The following MAGOHB variants were observed in gnomAD, a reference collection of about 807,000 sequenced individuals.
MAGOHB encodes the protein mago homolog B, exon junction complex subunit, also known as protein mago nashi homolog 2.
A neutral mutation model predicts 20.9 loss-of-function variants in MAGOHB; 15 were observed. The ratio of observed to expected loss-of-function variants is 0.72; its 90% CI spans 0.48 to 1.11. MAGOHB has a LOEUF of 1.11. MAGOHB is among the 50% of genes least tolerant of loss of function. The pLI is 0.00. For missense variants in MAGOHB, 162 were observed against 177.6 expected, an observed-to-expected ratio of 0.91 and a Z score of 0.50; for synonymous variants, 50 against 57.9, an observed-to-expected ratio of 0.86 and a Z score of 0.62.
chr12:10,609,615 G>C, intron 3 of MAGOHB: 1 of 542,096 alleles, frequency 1.8e-6, no homozygotes, highest in Non-Finnish European at 3.3e-6. Context: ...TACAGAGAAA[G>C]ATGTCTAAAT....
rs1405491398 is a variant in MAGOHB, at chr12:10,606,061, T to A, written c.*214A>T. ...AGCAAATTTTTAACAAAAGGTGGCT[T>A]TCATTTACAGAATTTAATGTGTGTG... is the stretch of plus-strand genomic sequence containing the variant. On this transcript the variant is annotated 3_prime_UTR_variant, in exon 5 of 5. Coordinates refer to ENST00000320756, the MANE Select transcript of MAGOHB (RefSeq NM_018048.5). 1 of 319,244 alleles carries A rather than the reference T, an allele frequency of 3.1e-6. No homozygotes were observed. The highest frequency in any genetic ancestry group is 2.1e-5 in the African/African-American group (1 of 46,664). The allele number at this position is 319,244 out of a possible 1,614,324, so 19.8% of individuals were successfully genotyped here. A position where few individuals can be genotyped will look rare whatever the true frequency, so the allele number is the denominator to read the frequency against.
chr12:10,606,394 A>C lies in MAGOHB; in HGVS notation c.348-20T>G. On this transcript the variant is annotated intron_variant, in intron 4 of 4. Coordinates refer to ENST00000320756, the MANE Select transcript of MAGOHB (RefSeq NM_018048.5). ...GGATCCCTAAAATTTAAAAAGGTAA[A>C]AGTTACTTTTTCTTCCTAGGATAAA... 1 of 1,371,696 alleles carries C rather than the reference A, an allele frequency of 7.3e-7. No homozygotes were observed. Among genetic ancestry groups the C allele is most frequent in the Non-Finnish European group, 1.0e-6 (1 of 992,384 alleles). 85.0% of individuals were successfully genotyped at this position (1,371,696 alleles called of 1,614,324 possible). A position where few individuals can be genotyped will look rare whatever the true frequency, so the allele number is the denominator to read the frequency against.
intron 4 of MAGOHB, among the ~76,000 whole-genome samples, chr12:10,607,201 G>A (rs530683095): frequency 6.6e-6 from 1 of 152,204 alleles, no homozygotes; most frequent in African/African-American, 2.4e-5. Flanking sequence ...TTATGTGCAG[G>A]GCACTATGCT....
intron 3 of MAGOHB, chr12:10,608,517 T>C (rs1865668352): frequency 6.7e-6 from 1 of 150,272 alleles, no homozygotes; most frequent in Admixed American, 6.7e-5. Context: ...TAACCACTAA[T>C]AATGATGGTA....
At chr12:10,604,092 A>ATT, downstream of MAGOHB, 1 of 152,354 alleles carries the variant, frequency 6.6e-6, no homozygotes, top group Non-Finnish European at 1.5e-5. Context: ...CAAACTTAAA[A>ATT]AACACCTACT....
At chr12:10,611,771 A>AGAAAAG (rs750427866) in intron 1 of MAGOHB, among the ~76,000 whole-genome samples, 1 of 93,086 alleles carries the variant, frequency 1.1e-5, no homozygotes, top group African/African-American at 3.9e-5. Context: ...AAAAAAAAAA[A>AGAAAAG]AAAAGAAAAG....
chr12:10,608,370 T>G (rs1024122822), intron 3 of MAGOHB: 1 of 155,336 alleles, frequency 6.4e-6, no homozygotes, highest in African/African-American at 2.4e-5. Flanking sequence ...CACCACCACT[T>G]TAGCACCTAC....
chr12:10,608,059 G>T, intron 3 of MAGOHB, 123 bp from the exon 4 acceptor site: 1 of 584,992 alleles, frequency 1.7e-6, no homozygotes, highest in East Asian at 3.0e-5. Flanking sequence ...GAGGGAGTGG[G>T]GGGCGAGGGG....
Position 10,606,049 on chromosome 12 carries a change from CA to C in MAGOHB, c.*225del. 3.4e-6 allele frequency: 1 copy of C among 293,842 alleles called. No homozygotes were observed. The highest frequency in any genetic ancestry group is 1.4e-4 in the South Asian group (1 of 7,018). The allele number at this position is 293,842 out of a possible 1,614,324, so 18.2% of individuals were successfully genotyped here. A position where few individuals can be genotyped will look rare whatever the true frequency, so the allele number is the denominator to read the frequency against. Reference sequence around the variant, plus strand: ...ATGTTTTATTAGAGCAAATTTTTAACAAAAGGTGGCTTTCATTTACAGAATT... The same window carrying C: ...ATGTTTTATTAGAGCAAATTTTTAACAAAGGTGGCTTTCATTTACAGAATT... On this transcript the variant is annotated 3_prime_UTR_variant, in exon 5 of 5. Transcript: ENST00000320756.
intron 1 of MAGOHB, chr12:10,612,650 T>C: frequency 8.8e-7 from 1 of 1,138,178 alleles, no homozygotes; most frequent in Non-Finnish European, 1.1e-6. Context: ...CTTAAAATTT[T>C]GTATTTGCTT....
chr12:10,612,569 A>G, intron 1 of MAGOHB: 1 of 683,188 alleles, frequency 1.5e-6, no homozygotes, highest in Non-Finnish European at 1.9e-6. Flanking sequence ...ATACTGCTTT[A>G]TAGTTAAATG....
chr12:10,602,812 C>A (rs1240677215), downstream of MAGOHB, among the ~76,000 whole-genome samples: 1 of 152,138 alleles, frequency 6.6e-6, no homozygotes, highest in African/African-American at 2.4e-5. Flanking sequence ...TCTAGTCACA[C>A]CTTCAAACCT....
At chr12:10,609,466 G>T in intron 3 of MAGOHB, 1 of 391,982 alleles carries the variant, frequency 2.6e-6, no homozygotes, top group Non-Finnish European at 5.0e-6. Context: ...GTATAGGGAT[G>T]CAAGTAAGAA....
intron 1 of MAGOHB, chr12:10,612,990 A>G: frequency 8.0e-7 from 1 of 1,254,440 alleles, no homozygotes; most frequent in South Asian, 1.2e-5. Context: ...TATGGTGAAC[A>G]ATTACACGTA....
downstream of MAGOHB, among the ~76,000 whole-genome samples, chr12:10,600,187 C>T (rs141580914): frequency 4.4e-4 from 67 of 151,932 alleles, no homozygotes; most frequent in Middle Eastern, 6.9e-3. Flanking sequence ...TGCTTACTAT[C>T]AAGGTTGGTA....
Position 10,605,596 on chromosome 12 carries a change from T to C in MAGOHB, c.*679A>G. The stretch of plus-strand genomic sequence containing the variant: ...GTTTGTCTAAATGTTTAACAATTTA[T>C]AAAGCTGAAAACTCATTTAGTTCTC... On this transcript the variant is annotated 3_prime_UTR_variant, in exon 5 of 5. Coordinates refer to ENST00000320756, the MANE Select transcript of MAGOHB (RefSeq NM_018048.5). 1 of 152,178 alleles carries C rather than the reference T, an allele frequency of 6.6e-6. No individual in the cohort carries two copies. The highest frequency in any genetic ancestry group is 1.9e-4 in the East Asian group (1 of 5,194). The allele number at this position is 152,178 out of a possible 1,614,324, so 9.4% of individuals were successfully genotyped here.
At chr12:10,611,672 C>T (rs1865740268) in intron 1 of MAGOHB, among the ~76,000 whole-genome samples, 1 of 142,414 alleles carries the variant, frequency 7.0e-6, no homozygotes, top group Non-Finnish European at 1.5e-5. Flanking sequence ...CGCTTCAATC[C>T]ACGAGGCGGA....
downstream of MAGOHB, chr12:10,599,592 G>A (rs181581985): frequency 5.3e-5 from 8 of 152,288 alleles, no homozygotes; most frequent in East Asian, 3.9e-4. Flanking sequence ...CTGGCCTTTC[G>A]GGTCCTGGAT....
At chr12:10,612,775 G>A in intron 1 of MAGOHB, 1 of 1,263,618 alleles carries the variant, frequency 7.9e-7, no homozygotes. Flanking sequence ...AGCGCTGTCA[G>A]AAAACACACT....
Sources: gnomAD v4.1 joint callset for allele counts (sites outside exome capture counted in the v4.1 genomes callset) on GRCh38, gnomAD v4.1.1 for gene constraint, MANE v1.5 for transcripts, NCBI Gene and HGNC (gene_info 2026-07-23, HGNC 2026-07-21) for gene names.